Variants in FBXW10B observed in about 807,000 individuals in gnomAD.
FBXW10B encodes F-box and WD repeat domain containing 10B, also known as F-box and WD repeat domain containing protein 10B.
chr17:15,572,591 G>A, the FBXW10B span: 1 of 151,980 alleles, frequency 6.6e-6, no homozygotes, highest in Non-Finnish European at 1.5e-5. Context: ...GATCATTCTA[G>A]GTGGGCATCA....
At chr17:15,602,006 G>C in the FBXW10B span, among the ~76,000 whole-genome samples, 1 of 151,844 alleles carries the variant, frequency 6.6e-6, no homozygotes, top group African/African-American at 2.4e-5. Flanking sequence ...CAGCTACTCG[G>C]GAGGCTGAGG....
At chr17:15,616,747 T>C in the FBXW10B span, among the ~76,000 whole-genome samples, 2 of 144,558 alleles carry the variant, frequency 1.4e-5, no homozygotes, top group East Asian at 4.1e-4. Context: ...AGGCGGAGCT[T>C]GCAGCAGTGA....
the FBXW10B span, chr17:15,605,485 CTT>C: frequency 4.8e-6 from 6 of 1,249,868 alleles, no homozygotes; most frequent in Non-Finnish European, 5.4e-6. Flanking sequence ...CTGGGACTGA[CTT>C]AGCCCCATGA....
the FBXW10B span, among the ~76,000 whole-genome samples, chr17:15,602,625 T>G: frequency 2.9e-5 from 2 of 69,406 alleles, no homozygotes; most frequent in South Asian, 5.5e-4. Flanking sequence ...TGAGACCGAG[T>G]TTTTTTTTTT....
At chr17:15,588,799 T>C in the FBXW10B span, 6,398 of 1,194,058 alleles carry the variant, frequency 5.4e-3, 258 homozygotes, top group African/African-American at 0.083. Context: ...TTTTAGGCAG[T>C]GTGATTGAGT....
At chr17:15,585,800 C>T in the FBXW10B span, among the ~76,000 whole-genome samples, 5 of 152,246 alleles carry the variant, frequency 3.3e-5, no homozygotes, top group Admixed American at 1.3e-4. Flanking sequence ...AAAACTATGG[C>T]CATGAGCTTT....
At chr17:15,607,510 C>T in the FBXW10B span, 1 of 1,478,304 alleles carries the variant, frequency 6.8e-7, no homozygotes, top group East Asian at 2.3e-5. Flanking sequence ...TCAGGGAAAT[C>T]CCAAATGTCA....
chr17:15,608,890 A>G, the FBXW10B span, among the ~76,000 whole-genome samples: 16 of 152,220 alleles, frequency 1.1e-4, no homozygotes, highest in Non-Finnish European at 2.4e-4. Context: ...GGGAAAGGAA[A>G]TCATTTTATC....
At chr17:15,566,727 A>G in the FBXW10B span, among the ~76,000 whole-genome samples, 1 of 151,336 alleles carries the variant, frequency 6.6e-6, no homozygotes, top group African/African-American at 2.4e-5. Context: ...TGCCCGGCTA[A>G]TTTTTTGTAT....
At chr17:15,566,786 G>C in the FBXW10B span, among the ~76,000 whole-genome samples, 4 of 150,562 alleles carry the variant, frequency 2.7e-5, no homozygotes, top group African/African-American at 7.3e-5. Context: ...GGATGGTCTC[G>C]ATCTCCTGAC....
the FBXW10B span, among the ~76,000 whole-genome samples, chr17:15,605,768 A>G: frequency 6.6e-6 from 1 of 151,984 alleles, no homozygotes; most frequent in Admixed American, 6.6e-5. Flanking sequence ...GGAAAACATC[A>G]GAGGAACACA....
the FBXW10B span, chr17:15,598,506 G>C: frequency 6.2e-7 from 1 of 1,613,628 alleles, no homozygotes. Flanking sequence ...AAACTTCTTA[G>C]AAAATTTAAG....
At chr17:15,605,781 T>C in the FBXW10B span, among the ~76,000 whole-genome samples, 1 of 151,846 alleles carries the variant, frequency 6.6e-6, no homozygotes, top group Non-Finnish European at 1.5e-5. Context: ...GGAACACAGT[T>C]GGGAAGTCCT....
the FBXW10B span, among the ~76,000 whole-genome samples, chr17:15,591,569 C>T: frequency 3.4e-4 from 52 of 152,230 alleles, no homozygotes; most frequent in Non-Finnish European, 5.3e-4. Flanking sequence ...ATTACAAGCA[C>T]GAGCCACTGC....
the FBXW10B span, chr17:15,572,320 T>G: frequency 6.6e-6 from 1 of 152,244 alleles, no homozygotes; most frequent in East Asian, 1.9e-4. Context: ...TCTGAGGCTC[T>G]GTTTCCTCGC....
At chr17:15,618,850 G>T in the FBXW10B span, 2 of 985,090 alleles carry the variant, frequency 2.0e-6, no homozygotes, top group African/African-American at 3.5e-5. Context: ...AAACAGGATC[G>T]GGTGTCAGGA....
the FBXW10B span, among the ~76,000 whole-genome samples, chr17:15,601,894 C>T: frequency 1.3e-5 from 2 of 152,068 alleles, no homozygotes; most frequent in Admixed American, 6.5e-5. Flanking sequence ...GGGCAAATCA[C>T]GAGGTCAGGA....
At chr17:15,570,303 G>A in the FBXW10B span, among the ~76,000 whole-genome samples, 2 of 152,196 alleles carry the variant, frequency 1.3e-5, no homozygotes, top group African/African-American at 4.8e-5. Flanking sequence ...AGAGAGACAC[G>A]CTGTAGACCT....
At chr17:15,594,990 A>C in the FBXW10B span, 5 of 1,521,196 alleles carry the variant, frequency 3.3e-6, no homozygotes, top group Non-Finnish European at 4.5e-6. Context: ...CCCCCCAACC[A>C]ATCTGTGACT....
Sources: allele counts gnomAD v4.1 joint callset (sites outside exome capture counted in the v4.1 genomes callset), GRCh38; gene constraint gnomAD v4.1.1; transcripts MANE v1.5; gene names NCBI Gene and HGNC (gene_info 2026-07-23, HGNC 2026-07-21).